NBAS: variants seen among roughly 807,000 people sequenced by gnomAD.
NBAS encodes NAG/BC035112 fusion.
In NBAS, 219 loss-of-function variants were observed where a neutral mutation model predicts 302.5. The ratio of observed to expected loss-of-function variants is 0.72; its 90% CI spans 0.65 to 0.81. NBAS has a LOEUF of 0.81. Ranked by LOEUF, NBAS falls within the 30% of genes least tolerant of loss-of-function variation. The pLI is 0.00. For missense variants in NBAS, 2,932 were observed against 2,841.6 expected (o/e 1.03, Z -0.72); for synonymous variants, 1,118 against 1,021.6 (o/e 1.09, Z -1.80).
downstream of NBAS, among the ~76,000 whole-genome samples, chr2:15,164,357 T>C (rs1256742422): frequency 6.6e-6 from 1 of 152,328 alleles, no homozygotes; most frequent in East Asian, 1.9e-4. Flanking sequence ...GGGCCAAGGG[T>C]TACATACCTG....
At chr2:14,865,375 G>A in the NBAS span, among the ~76,000 whole-genome samples, 1 of 152,136 alleles carries the variant, frequency 6.6e-6, no homozygotes, top group Non-Finnish European at 1.5e-5. Flanking sequence ...GTAGGAAAAT[G>A]TGAGAAATCT....
At chr2:15,204,665 A>G (rs530784817) in intron 48 of NBAS, among the ~76,000 whole-genome samples, 75 of 152,324 alleles carry the variant, frequency 4.9e-4, no homozygotes, top group African/African-American at 1.8e-3. Flanking sequence ...TACACCATGG[A>G]ATACTATACA....
At chr2:15,147,951 G>A in the NBAS span, among the ~76,000 whole-genome samples, 1 of 152,094 alleles carries the variant, frequency 6.6e-6, no homozygotes, top group Non-Finnish European at 1.5e-5. Context: ...GACTGCAAAC[G>A]TTCAACTGGA....
At chr2:15,299,502 T>C (rs1670699349) in intron 40 of NBAS, among the ~76,000 whole-genome samples, 2 of 152,204 alleles carry the variant, frequency 1.3e-5, no homozygotes, top group Non-Finnish European at 1.5e-5. Context: ...TGTTTCCCCT[T>C]TAGGGTTGTT....
the NBAS span, among the ~76,000 whole-genome samples, chr2:14,855,149 C>T: frequency 2.0e-5 from 3 of 152,090 alleles, no homozygotes; most frequent in African/African-American, 7.2e-5. Flanking sequence ...TCCTAGAAAA[C>T]ATGTCTAGAC....
intron 6 of NBAS, among the ~76,000 whole-genome samples, chr2:15,543,233 T>C (rs529155914): frequency 9.7e-4 from 148 of 152,326 alleles, no homozygotes; most frequent in African/African-American, 3.4e-3. Flanking sequence ...TGCCAAGCTC[T>C]TTCCCATCTC....
At position 15,511,203 on chromosome 2, in the gene NBAS, CAT is replaced by C. The variant is rs1662125785; in HGVS notation, c.885+7_885+8del. ...CATAGCAAAGTGAAGTGCCATAACT[CAT>C]ACTTACTGCAGTAACCCCGTCTCCA... On this transcript the variant is annotated splice_region_variant and intron_variant, in intron 10 of 51. Transcript: ENST00000281513. 8.7e-6 allele frequency: 14 copies of C among 1,613,896 alleles called. No individual in the cohort carries two copies. The East Asian group carries it at 3.1e-4, about 36-fold the overall frequency.
chr2:15,331,381 C>T (rs1672341875), intron 35 of NBAS, among the ~76,000 whole-genome samples: 1 of 152,176 alleles, frequency 6.6e-6, no homozygotes. Flanking sequence ...AATGTCAATA[C>T]ATTAATTACA....
At chr2:15,077,640 G>A in the NBAS span, among the ~76,000 whole-genome samples, 1 of 152,030 alleles carries the variant, frequency 6.6e-6, no homozygotes, top group Admixed American at 6.6e-5. Flanking sequence ...ATTTAGGATG[G>A]GAAGGGAAAC....
chr2:15,504,061 G>A (rs975125873), intron 11 of NBAS, 84 bp downstream of exon 11: 2 of 1,065,728 alleles, frequency 1.9e-6, no homozygotes, highest in South Asian at 1.3e-5. Context: ...CAAAAAATTC[G>A]AGGTTCATTC....
chr2:14,860,006 T>C, the NBAS span, among the ~76,000 whole-genome samples: 1 of 151,276 alleles, frequency 6.6e-6, no homozygotes, highest in Admixed American at 6.6e-5. Context: ...ATAATTCAAT[T>C]AAAAAATGGA....
rs1322527294 is a variant in NBAS, at chr2:15,441,614, C to G, written c.2340-13820G>C. ...CTGCATCAACTAACGAGCAAAATAA[C>G]CAGCTAACATCATAATGACAGGATC... is the stretch of plus-strand genomic sequence containing the variant. On this transcript the variant is annotated intron_variant, in intron 21 of 51. Coordinates refer to ENST00000281513, the MANE Select transcript of NBAS (RefSeq NM_015909.4). 5.9e-4 allele frequency among the ~76,000 whole-genome samples: 89 copies of G among 150,616 alleles called. No individual in the cohort carries two copies. The South Asian group carries it at 0.016, about 28-fold the overall frequency.
intron 15 of NBAS, among the ~76,000 whole-genome samples, 186 bp from the exon 16 acceptor site, chr2:15,473,533 C>T (rs1281033593): frequency 6.6e-6 from 1 of 152,194 alleles, no homozygotes; most frequent in Non-Finnish European, 1.5e-5. Flanking sequence ...TCTTTCAGCA[C>T]TTCAACAGAA....
intron 47 of NBAS, among the ~76,000 whole-genome samples, chr2:15,227,666 C>T (rs890667562): frequency 9.2e-5 from 14 of 152,008 alleles, no homozygotes; most frequent in African/African-American, 3.4e-4. Context: ...TAATAGAGAA[C>T]CCCAAAATTA....
the NBAS span, among the ~76,000 whole-genome samples, chr2:14,842,867 T>C: frequency 2.9e-5 from 4 of 138,362 alleles, no homozygotes; most frequent in African/African-American, 1.1e-4. Flanking sequence ...AAAAAAAACA[T>C]ATACAGCAAT....
the NBAS span, among the ~76,000 whole-genome samples, chr2:15,086,808 G>A: frequency 7.9e-5 from 12 of 152,334 alleles, no homozygotes; most frequent in Admixed American, 7.8e-4. Context: ...TAACAAAGGA[G>A]TGCCTAGATA....
chr2:15,561,276 A>G lies in NBAS; in HGVS notation c.29T>C (p.Leu10Ser), dbSNP rs978082529. The change falls in exon 1 of 52, where the codon TTG (leucine) becomes TCG (serine). Residue 10 changes from leucine (L) to serine (S), a missense_variant. Coordinates refer to ENST00000281513, the MANE Select transcript of NBAS (RefSeq NM_015909.4). MAAPESGPA[L>S]SPGTAEGEEE... ...CTCACCCTCTGCAGTGCCTGGACTCAAAGCCGGCCCTGACTCGGGGGCCGC... is the reference window on the plus strand; with the variant it reads ...CTCACCCTCTGCAGTGCCTGGACTCGAAGCCGGCCCTGACTCGGGGGCCGC... The G allele has an allele frequency of 6.2e-7, 1 of 1,613,722 alleles. No individual in the cohort carries two copies. The highest frequency in any genetic ancestry group is 1.1e-5 in the South Asian group (1 of 91,074).
At chr2:15,012,091 A>G in the NBAS span, among the ~76,000 whole-genome samples, 1 of 152,242 alleles carries the variant, frequency 6.6e-6, no homozygotes, top group Non-Finnish European at 1.5e-5. Context: ...AATATACTAA[A>G]TGCCAGGAAA....
chr2:15,241,274 C>T (rs1368335394), intron 44 of NBAS, among the ~76,000 whole-genome samples: 2 of 152,148 alleles, frequency 1.3e-5, no homozygotes, highest in Non-Finnish European at 1.5e-5. Context: ...CAAATGTATA[C>T]ACTCTTCCTA....
Sources: allele counts gnomAD v4.1 joint callset (sites outside exome capture counted in the v4.1 genomes callset), GRCh38; gene constraint gnomAD v4.1.1; transcripts MANE v1.5; gene names NCBI Gene and HGNC (gene_info 2026-07-23, HGNC 2026-07-21).